MGAT5: variants seen among roughly 807,000 people sequenced by gnomAD.
The protein encoded by MGAT5 is alpha-1,6-mannosylglycoprotein 6-beta-N-acetylglucosaminyltransferase, also known as alpha-1,6-mannosylglycoprotein 6-beta-N-acetylglucosaminyltransferase A.
MGAT5 carries 30 observed loss-of-function variants against 94.3 expected under a neutral mutation model. The observed-to-expected ratio is 0.32, with a 90% confidence interval of 0.24 to 0.43. MGAT5 has a LOEUF of 0.43. MGAT5 is among the 20% of genes least tolerant of loss of function. The pLI, the probability that MGAT5 is intolerant of heterozygous loss-of-function variation, is 1.00. For synonymous variants in MGAT5, 310 were observed against 322.9 expected, an observed-to-expected ratio of 0.96 and a Z score of 0.43; for missense variants, 691 against 905.5, an observed-to-expected ratio of 0.76 and a Z score of 3.04.
At chr2:134,234,051 T>A (rs933923270) in intron 1 of MGAT5, among the ~76,000 whole-genome samples, 2 of 152,190 alleles carry the variant, frequency 1.3e-5, no homozygotes, top group African/African-American at 2.4e-5. Flanking sequence ...CCTTTCATGA[T>A]GGGTAATAAT....
intron 4 of MGAT5, among the ~76,000 whole-genome samples, chr2:134,321,593 A>G (rs1293052896): frequency 1.3e-5 from 2 of 152,188 alleles, no homozygotes; most frequent in African/African-American, 4.8e-5. Context: ...ATCACTTGCT[A>G]TCTGAGGCTG....
intron 4 of MGAT5, among the ~76,000 whole-genome samples, chr2:134,322,607 G>A (rs1687399863): frequency 6.6e-6 from 1 of 152,178 alleles, no homozygotes; most frequent in African/African-American, 2.4e-5. Flanking sequence ...TGTGAGATTA[G>A]TAGAGATGTT....
chr2:134,391,740 C>T (rs184512170), intron 10 of MGAT5, among the ~76,000 whole-genome samples: 65 of 152,258 alleles, frequency 4.3e-4, no homozygotes, highest in East Asian at 1.7e-3. Flanking sequence ...CAATCCTGGA[C>T]GTGGGATGGA....
intron 1 of MGAT5, among the ~76,000 whole-genome samples, chr2:134,197,198 T>G (rs1179984920): frequency 6.6e-6 from 1 of 152,186 alleles, no homozygotes; most frequent in African/African-American, 2.4e-5. Context: ...CCCAATATAC[T>G]TCAGTCAATA....
chr2:134,189,602 G>GTTTTGTTTTTTTTTTTTTTTTTT (rs1553490380), intron 1 of MGAT5, among the ~76,000 whole-genome samples: 5 of 84,672 alleles, frequency 5.9e-5, no homozygotes, highest in African/African-American at 2.4e-4. Flanking sequence ...GTTTTTTTTT[G>GTTTTGTTTTTTTTTTTTTTTTTT]TTTTTTTTTT....
intron 1 of MGAT5, among the ~76,000 whole-genome samples, chr2:134,203,925 T>C (rs1404543510): frequency 1.3e-5 from 2 of 152,142 alleles, no homozygotes; most frequent in Admixed American, 1.3e-4. Flanking sequence ...TGCAGGTATG[T>C]TGTGGGGATT....
Position 134,448,998 on chromosome 2 carries a change from ACT to A in MGAT5, c.*153_*154del. 1.4e-6 allele frequency: 1 copy of A among 719,704 alleles called. No individual in the cohort carries two copies. The highest frequency in any genetic ancestry group is 2.3e-6 in the Non-Finnish European group (1 of 438,422). The allele number at this position is 719,704 out of a possible 1,614,324, so 44.6% of individuals were successfully genotyped here. A position where few individuals can be genotyped will look rare whatever the true frequency, so the allele number is the denominator to read the frequency against. ...TCTGAATTGGCATTGCCCTTGCTGC[ACT>A]CCGAGCAACCCAGTGGAGTCTTCAC... On this transcript the variant is annotated 3_prime_UTR_variant, in exon 16 of 16. Coordinates refer to ENST00000281923, the MANE Select transcript of MGAT5 (RefSeq NM_002410.5).
chr2:134,204,202 TGACA>T (rs1272667782), intron 1 of MGAT5, among the ~76,000 whole-genome samples: 1 of 152,216 alleles, frequency 6.6e-6, no homozygotes, highest in Non-Finnish European at 1.5e-5. Context: ...CTGTAGGGTT[TGACA>T]GCTCTCCCAC....
At chr2:134,193,860 C>T (rs752012569) in intron 1 of MGAT5, among the ~76,000 whole-genome samples, 5 of 152,078 alleles carry the variant, frequency 3.3e-5, no homozygotes, top group African/African-American at 4.8e-5. Flanking sequence ...CTTCCTGGCA[C>T]GCCTAACTCA....
intron 10 of MGAT5, among the ~76,000 whole-genome samples, chr2:134,399,516 A>C (rs754574762): frequency 1.3e-5 from 2 of 152,190 alleles, no homozygotes; most frequent in Non-Finnish European, 2.9e-5. Flanking sequence ...GTTGTTCTTA[A>C]TGAGAATTTA....
At chr2:134,120,191 A>T (rs1404878741) in exon 1 of MGAT5, 2 of 241,184 alleles carry the variant, frequency 8.3e-6, no homozygotes. Flanking sequence ...CAGCCCAGGT[A>T]GCCGCGCCGC....
chr2:134,212,389 G>A (rs1417757015), intron 1 of MGAT5, among the ~76,000 whole-genome samples: 2 of 33,178 alleles, frequency 6.0e-5, no homozygotes, highest in Non-Finnish European at 8.7e-5. Context: ...TCTGGTATGT[G>A]GTGTCTTTGT....
At chr2:134,140,319 A>G (rs987516314) in intron 1 of MGAT5, among the ~76,000 whole-genome samples, 110 of 152,184 alleles carry the variant, frequency 7.2e-4, no homozygotes, top group Non-Finnish European at 8.1e-4. Flanking sequence ...GAAAGGAGAG[A>G]TGGGACGATG....
chr2:134,425,779 G>A (rs558700746), intron 13 of MGAT5, among the ~76,000 whole-genome samples: 1 of 152,236 alleles, frequency 6.6e-6, no homozygotes, highest in East Asian at 1.9e-4. Flanking sequence ...CAAGGAGGGA[G>A]GCCAAGAAGA....
Position 134,441,862 on chromosome 2 carries a change from C to A in MGAT5, c.1974C>A (p.Leu658=), listed in dbSNP as rs778190196. 1 of 1,614,030 alleles carries A rather than the reference C, an allele frequency of 6.2e-7. No individual in the cohort carries two copies. Among genetic ancestry groups the A allele is most frequent in the Middle Eastern group, 1.6e-4 (1 of 6,062 alleles). ...AGCAGGTGTGCCAGGAGAGCCAGCT[C>A]ATCTGCGAGCCTTCTTTCTTCCAGC... ...SCKQVCQESQ[L]ICEPSFFQHL... The change falls in exon 15 of 16, where the codon CTC becomes CTA. Residue 658 remains leucine (L), a synonymous_variant. Transcript: ENST00000281923.
chr2:134,233,823 G>T (rs566899531), intron 1 of MGAT5, among the ~76,000 whole-genome samples: 1 of 152,348 alleles, frequency 6.6e-6, no homozygotes, highest in African/African-American at 2.4e-5. Flanking sequence ...TTATGTCAGT[G>T]CAGAGATTTT....
At position 134,376,030 on chromosome 2, in the gene MGAT5, C is replaced by T. The variant is rs1039464533; in HGVS notation, c.1380+13622C>T. Among the ~76,000 whole-genome samples, 7 of 152,248 alleles carry T rather than the reference C, an allele frequency of 4.6e-5. No individual in the cohort carries two copies. In the East Asian group the frequency reaches 9.7e-4, roughly 21 times the overall value. On this transcript the variant is annotated intron_variant, in intron 10 of 15. Transcript: ENST00000281923. ...AGGAATTAGTAGAGCAATGTACAGC[C>T]CTGTTGATCCAGACCAGTTAGTGAT... is the stretch of plus-strand genomic sequence containing the variant.
intron 1 of MGAT5, among the ~76,000 whole-genome samples, chr2:134,189,602 G>GTTGTTT (rs1689232395): frequency 7.1e-5 from 6 of 84,650 alleles, no homozygotes; most frequent in African/African-American, 2.9e-4. Context: ...GTTTTTTTTT[G>GTTGTTT]TTTTTTTTTT....
intron 4 of MGAT5, chr2:134,319,545 G>T (rs74859028): frequency 0.028 from 4,351 of 157,312 alleles, 210 homozygotes; most frequent in African/African-American, 0.098. Context: ...GGAAAGTTAT[G>T]GTATCAGTTG....
Sources: allele counts gnomAD v4.1 joint callset (sites outside exome capture counted in the v4.1 genomes callset), GRCh38; gene constraint gnomAD v4.1.1; transcripts MANE v1.5; gene names NCBI Gene and HGNC (gene_info 2026-07-23, HGNC 2026-07-21).